SLCO3A1: variants seen among roughly 807,000 people sequenced by gnomAD.
SLCO3A1 encodes the protein PGE1 transporter.
Under a neutral mutation model 63.1 loss-of-function variants are expected in SLCO3A1, and 27 were observed. That is an observed-to-expected ratio of 0.43 (90% confidence interval 0.32 to 0.59). The LOEUF (loss-of-function observed/expected upper bound fraction) is 0.59, where lower values mean the gene tolerates loss of function less well. Among genes scored for constraint, SLCO3A1 ranks in the 20% least tolerant of loss-of-function variants. The pLI is 0.09. For missense variants in SLCO3A1, 773 were observed against 945.8 expected (o/e 0.82, Z 2.40); for synonymous variants, 473 against 409.9 (o/e 1.15, Z -1.86).
In SLCO3A1 at chr15:91,968,034, A is replaced by C. The variant is rs1457300446; in HGVS notation, c.646+51576A>C. Among the ~76,000 whole-genome samples, 1 of 152,038 alleles carries C rather than the reference A, an allele frequency of 6.6e-6. No homozygotes were observed. The highest frequency in any genetic ancestry group is 6.5e-5 in the Admixed American group (1 of 15,268). On this transcript the variant is annotated intron_variant, in intron 2 of 9. Transcript: ENST00000318445. This position sits in a 1 kb window ranked among gnomAD's most constrained non-coding sequence, Gnocchi z 4.2. ...CCTTCTGATTGCCTTACTTGTTCAG[A>C]TGCTTCCATCCTGAACATTTTCTAG...
At chr15:91,901,957 T>C (rs1400601235) in intron 1 of SLCO3A1, among the ~76,000 whole-genome samples, 2 of 152,108 alleles carry the variant, frequency 1.3e-5, no homozygotes, top group African/African-American at 2.4e-5. Flanking sequence ...ATTGCATGTA[T>C]ATTGGTATGC....
chr15:91,941,477 T>G lies in SLCO3A1; in HGVS notation c.646+25019T>G. On this transcript the variant is annotated intron_variant, in intron 2 of 9. Transcript: ENST00000318445. The surrounding 1 kb of genome is among the most constrained non-coding windows in gnomAD (Gnocchi z 4.4). ...CTTTGGCCTTAGGGAAGGACAAACT[T>G]CAACTCTGAGCCTTGATTGAGTGAC... is the stretch of plus-strand genomic sequence containing the variant. 1 of 452,838 alleles carries G rather than the reference T, an allele frequency of 2.2e-6. No homozygotes were observed. Among genetic ancestry groups the G allele is most frequent in the South Asian group, 1.6e-5 (1 of 63,976 alleles). The allele number at this position is 452,838 out of a possible 1,614,324, so 28.1% of individuals were successfully genotyped here. A position where few individuals can be genotyped will look rare whatever the true frequency, so the allele number is the denominator to read the frequency against.
intron 1 of SLCO3A1, among the ~76,000 whole-genome samples, chr15:91,889,560 C>A (rs986966049): frequency 2.0e-5 from 3 of 152,204 alleles, no homozygotes; most frequent in Non-Finnish European, 4.4e-5. Flanking sequence ...AATTGCTGTT[C>A]GCTTAGTGTC....
chr15:92,152,438 C>T (rs1355830064), intron 9 of SLCO3A1, among the ~76,000 whole-genome samples: 1 of 152,208 alleles, frequency 6.6e-6, no homozygotes, highest in Non-Finnish European at 1.5e-5. Flanking sequence ...TGGCATTGTC[C>T]TAAGTCTAAG....
chr15:92,127,557 C>T (rs1453721050), intron 6 of SLCO3A1, among the ~76,000 whole-genome samples: 6 of 152,122 alleles, frequency 3.9e-5, no homozygotes, highest in African/African-American at 1.2e-4. Flanking sequence ...GTGTCGCCAT[C>T]GTCACCTTTA....
chr15:92,164,512 G>A lies in SLCO3A1; in HGVS notation c.*1377G>A. On this transcript the variant is annotated 3_prime_UTR_variant, in exon 10 of 10. Transcript: ENST00000318445. ...AGAGGCGTTCTTTTCAGCCTGTGGAGGAGACACTCTTAGATGTGGGTTTGT... is the reference window on the plus strand; with the variant it reads ...AGAGGCGTTCTTTTCAGCCTGTGGAAGAGACACTCTTAGATGTGGGTTTGT... The A allele has an allele frequency of 1.0e-6, 1 of 985,416 alleles. No homozygotes were observed. The highest frequency in any genetic ancestry group is 1.2e-6 in the Non-Finnish European group (1 of 829,928). The allele number at this position is 985,416 out of a possible 1,614,324, so 61.0% of individuals were successfully genotyped here.
intron 2 of SLCO3A1, among the ~76,000 whole-genome samples, chr15:91,969,800 CTAT>C (rs1567043825): frequency 6.6e-6 from 1 of 152,198 alleles, no homozygotes; most frequent in African/African-American, 2.4e-5. Context: ...AGAGATCTAG[CTAT>C]GTCTATGGTT....
intron 2 of SLCO3A1, among the ~76,000 whole-genome samples, chr15:91,984,573 T>A (rs550637670): frequency 6.6e-6 from 1 of 152,260 alleles, no homozygotes; most frequent in African/African-American, 2.4e-5. Context: ...TATTCTTTGA[T>A]AACATAGAAG....
intron 1 of SLCO3A1, among the ~76,000 whole-genome samples, chr15:91,871,375 G>A (rs79603881): frequency 6.6e-6 from 1 of 152,038 alleles, no homozygotes; most frequent in Admixed American, 6.6e-5. Flanking sequence ...CTGTGTGGGG[G>A]GCACACACTG....
intron 2 of SLCO3A1, among the ~76,000 whole-genome samples, chr15:92,008,151 T>C (rs1376268828): frequency 1.3e-5 from 2 of 152,180 alleles, no homozygotes; most frequent in Non-Finnish European, 2.9e-5. Context: ...AAGACCTTTT[T>C]TTCTTCCTGC....
chr15:92,002,061 G>C (rs1185606768), intron 2 of SLCO3A1, among the ~76,000 whole-genome samples: 2 of 152,050 alleles, frequency 1.3e-5, no homozygotes, highest in African/African-American at 4.8e-5. Context: ...CCACGACATA[G>C]GGACTCTTGG....
intron 1 of SLCO3A1, among the ~76,000 whole-genome samples, chr15:91,913,613 T>A (rs564535352): frequency 1.3e-5 from 2 of 152,356 alleles, no homozygotes; most frequent in African/African-American, 4.8e-5. Flanking sequence ...TTTGTTTTTT[T>A]AGTAACGGGA....
intron 2 of SLCO3A1, among the ~76,000 whole-genome samples, chr15:91,926,196 A>G (rs1416943300): frequency 1.3e-5 from 2 of 152,208 alleles, no homozygotes; most frequent in Non-Finnish European, 2.9e-5. Context: ...GTTATTTCAG[A>G]GGCATTGAAG....
chr15:92,163,219 C>G lies in SLCO3A1; in HGVS notation c.*84C>G. ...AAAGAAAAAAAGGTTCCAAAAAAAACCAAAACTCAGTACACACACACAGGC... is the reference window on the plus strand; with the variant it reads ...AAAGAAAAAAAGGTTCCAAAAAAAAGCAAAACTCAGTACACACACACAGGC... On this transcript the variant is annotated 3_prime_UTR_variant, in exon 10 of 10. Transcript: ENST00000318445. The G allele has an allele frequency of 6.9e-7, 1 of 1,449,308 alleles. No homozygotes were observed. Among genetic ancestry groups the G allele is most frequent in the Non-Finnish European group, 9.0e-7 (1 of 1,109,668 alleles). The allele number at this position is 1,449,308 out of a possible 1,614,324, so 89.8% of individuals were successfully genotyped here.
chr15:91,886,495 A>C lies in SLCO3A1; in HGVS notation c.181-29498A>C, dbSNP rs1481987151. Among the ~76,000 whole-genome samples, 1 of 152,144 alleles carries C rather than the reference A, an allele frequency of 6.6e-6. No homozygotes were observed. The highest frequency in any genetic ancestry group is 2.4e-5 in the African/African-American group (1 of 41,436). ...CCATGCCTAGAAGGCCCCAGTGAGCATTGACTTGGACCTGGTGATTTTCCT... is the reference window on the plus strand; with the variant it reads ...CCATGCCTAGAAGGCCCCAGTGAGCCTTGACTTGGACCTGGTGATTTTCCT... On this transcript the variant is annotated intron_variant, in intron 1 of 9. Transcript: ENST00000318445. This position sits in a 1 kb window ranked among gnomAD's most constrained non-coding sequence, Gnocchi z 4.9.
intron 2 of SLCO3A1, among the ~76,000 whole-genome samples, chr15:92,036,304 G>C (rs753022823): frequency 6.6e-6 from 1 of 151,732 alleles, no homozygotes; most frequent in Non-Finnish European, 1.5e-5. Flanking sequence ...TTGAAGAAGG[G>C]CTGGCAAAAT....
intron 4 of SLCO3A1, among the ~76,000 whole-genome samples, chr15:92,114,229 G>A (rs1362782927): frequency 6.6e-6 from 1 of 152,134 alleles, no homozygotes; most frequent in African/African-American, 2.4e-5. Flanking sequence ...GTCACTGATG[G>A]TTGGTTCATA....
intron 2 of SLCO3A1, among the ~76,000 whole-genome samples, chr15:91,975,099 A>G (rs898237332): frequency 7.9e-5 from 12 of 152,182 alleles, no homozygotes; most frequent in Non-Finnish European, 1.3e-4. Flanking sequence ...AGTGCCTGGA[A>G]TGGTGCCTAG....
At chr15:92,121,080 C>T (rs772221534) in intron 5 of SLCO3A1, among the ~76,000 whole-genome samples, 1 of 152,192 alleles carries the variant, frequency 6.6e-6, no homozygotes, top group Non-Finnish European at 1.5e-5. Flanking sequence ...ACTAATGGAT[C>T]ATGACACTCC....
Sources: gnomAD v4.1 joint callset for allele counts (sites outside exome capture counted in the v4.1 genomes callset) on GRCh38, gnomAD v4.1.1 for gene constraint, Gnocchi (gnomAD v3.1) non-coding constraint, MANE v1.5 for transcripts, NCBI Gene and HGNC (gene_info 2026-07-23, HGNC 2026-07-21) for gene names.